The following DLGAP2 variants were observed in gnomAD, a reference collection of about 807,000 sequenced individuals.
DLGAP2 encodes DLG associated protein 2, also known as disks large-associated protein 2.
In DLGAP2, 26 loss-of-function variants were observed where a neutral mutation model predicts 100.3. The ratio of observed to expected loss-of-function variants is 0.26; its 90% CI spans 0.19 to 0.36. The LOEUF is 0.36. Among genes scored for constraint, DLGAP2 ranks in the 10% least tolerant of loss-of-function variants. The pLI, the probability that DLGAP2 is intolerant of heterozygous loss-of-function variation, is 1.00. For synonymous variants in DLGAP2, 886 were observed against 630.1 expected, an observed-to-expected ratio of 1.41 and a Z score of -6.08; for missense variants, 1,858 against 1,453.2, an observed-to-expected ratio of 1.28 and a Z score of -4.53.
chr8:1,278,611 G>A (rs931165540), intron 3 of DLGAP2, among the ~76,000 whole-genome samples: 1 of 152,186 alleles, frequency 6.6e-6, no homozygotes, highest in South Asian at 2.1e-4. Context: ...GTCAAGCCAA[G>A]GACATATTGC....
At chr8:1,431,238 C>T (rs1445653963) in intron 3 of DLGAP2, among the ~76,000 whole-genome samples, 1 of 152,202 alleles carries the variant, frequency 6.6e-6, no homozygotes, top group Non-Finnish European at 1.5e-5. Context: ...CAATCTGACA[C>T]ATCATTAGAA....
At position 1,518,441 on chromosome 8, in the gene DLGAP2, T is replaced by C. The variant is rs113679063; in HGVS notation, c.172+17010T>C. On this transcript the variant is annotated intron_variant, in intron 4 of 14. Transcript: ENST00000637795. ...TGAAGGGAAAAAGCAAGTCACTTCA[T>C]GTATGCTTGTGCATTTACAAGGCAC... is the stretch of plus-strand genomic sequence containing the variant. Among the ~76,000 whole-genome samples the C allele has an allele frequency of 4.5e-3, 680 of 152,334 alleles. 3 individuals carry two copies. Among genetic ancestry groups the C allele is most frequent in the East Asian group, 0.012 (63 of 5,186 alleles).
At chr8:968,562 T>C (rs1433398706) in intron 2 of DLGAP2, among the ~76,000 whole-genome samples, 6 of 152,174 alleles carry the variant, frequency 3.9e-5, no homozygotes, top group Non-Finnish European at 7.3e-5. Context: ...CATACTAGCC[T>C]CCCCTGGTGG....
At chr8:1,135,503 GTTTTTTTTTTTTTT>G (rs3080806) in intron 2 of DLGAP2, among the ~76,000 whole-genome samples, 1,828 of 92,300 alleles carry the variant, frequency 0.02, 81 homozygotes, top group African/African-American at 0.067. Context: ...TTTTTTGTGG[GTTTTTTTTTTTTTT>G]TTTTTTTTTT....
At chr8:1,039,605 T>C (rs2129029900) in intron 2 of DLGAP2, among the ~76,000 whole-genome samples, 1 of 114,046 alleles carries the variant, frequency 8.8e-6, no homozygotes, top group South Asian at 3.4e-4. Flanking sequence ...CAGCTTGGTG[T>C]GCGTGGTCAG....
chr8:1,284,251 A>T (rs1799878011), intron 3 of DLGAP2, among the ~76,000 whole-genome samples: 1 of 152,030 alleles, frequency 6.6e-6, no homozygotes, highest in African/African-American at 2.4e-5. Flanking sequence ...TCCAGGAGAG[A>T]TTTTTTGTTA....
intron 3 of DLGAP2, among the ~76,000 whole-genome samples, chr8:1,266,744 C>G (rs1799458492): frequency 6.6e-6 from 1 of 151,780 alleles, no homozygotes. Flanking sequence ...GAGTGCAGAC[C>G]CAGTGTGTGT....
chr8:881,742 C>T (rs906064399), intron 1 of DLGAP2, among the ~76,000 whole-genome samples: 14 of 148,934 alleles, frequency 9.4e-5, no homozygotes, highest in South Asian at 4.3e-4. Context: ...TGGTCTCGAA[C>T]TCCTGACCTT....
At chr8:1,686,581 G>A (rs1257687483) in intron 12 of DLGAP2, among the ~76,000 whole-genome samples, 2 of 152,104 alleles carry the variant, frequency 1.3e-5, no homozygotes, top group African/African-American at 2.4e-5. Context: ...GGCTGAGACA[G>A]GAGAATCGCT....
chr8:1,708,355 CCTCAATTT>C lies in DLGAP2; in HGVS notation c.*6953_*6960del. 1 of 152,148 alleles carries C rather than the reference CCTCAATTT, an allele frequency of 6.6e-6. No individual in the cohort carries two copies. Among genetic ancestry groups the C allele is most frequent in the Non-Finnish European group, 1.5e-5 (1 of 67,996 alleles). 9.4% of individuals were successfully genotyped at this position (152,148 alleles called of 1,614,324 possible). On this transcript the variant is annotated 3_prime_UTR_variant, in exon 15 of 15. Coordinates refer to ENST00000637795, the MANE Select transcript of DLGAP2 (RefSeq NM_001346810.2). ...ATTATATATTTCATTGTTGAAATAT[CCTCAATTT>C]CTCTATATTTTAAGAAGTAATGGAC...
At chr8:1,171,035 C>A (rs1189049575) in intron 2 of DLGAP2, among the ~76,000 whole-genome samples, 4 of 151,746 alleles carry the variant, frequency 2.6e-5, no homozygotes, top group Non-Finnish European at 4.4e-5. Context: ...CTATAAATTT[C>A]CCTCTACACA....
At chr8:1,037,764 G>A (rs1407226733) in intron 2 of DLGAP2, among the ~76,000 whole-genome samples, 1 of 152,180 alleles carries the variant, frequency 6.6e-6, no homozygotes, top group African/African-American at 2.4e-5. Flanking sequence ...AAATATCCAA[G>A]CAGGCTGGTT....
intron 2 of DLGAP2, among the ~76,000 whole-genome samples, chr8:1,087,264 C>T (rs4735837): frequency 0.46 from 70,079 of 152,062 alleles, 17,631 homozygotes; most frequent in African/African-American, 0.69. Context: ...TCATAACATT[C>T]TGAAGTCTTT....
At chr8:1,544,293 G>C (rs754421834) in intron 4 of DLGAP2, among the ~76,000 whole-genome samples, 1 of 152,004 alleles carries the variant, frequency 6.6e-6, no homozygotes, top group East Asian at 1.9e-4. Context: ...TCCTTTTTGG[G>C]TTTCTCATTG....
intron 3 of DLGAP2, among the ~76,000 whole-genome samples, chr8:1,418,611 G>C (rs1326967487): frequency 6.6e-6 from 1 of 152,190 alleles, no homozygotes; most frequent in African/African-American, 2.4e-5. Context: ...AGGGAAAAAA[G>C]TGTTTCCTTC....
intron 12 of DLGAP2, among the ~76,000 whole-genome samples, chr8:1,682,694 G>C (rs1798985508): frequency 6.6e-6 from 1 of 151,334 alleles, no homozygotes; most frequent in African/African-American, 2.4e-5. Flanking sequence ...GGATAATCGT[G>C]AACTCCTGGC....
At chr8:1,567,086 G>C (rs1465358403) in intron 6 of DLGAP2, among the ~76,000 whole-genome samples, 1 of 152,234 alleles carries the variant, frequency 6.6e-6, no homozygotes, top group African/African-American at 2.4e-5. Flanking sequence ...TTGTTGGAAG[G>C]AAATGGGGAG....
chr8:1,280,224 A>G (rs539841331), intron 3 of DLGAP2, among the ~76,000 whole-genome samples: 8 of 152,164 alleles, frequency 5.3e-5, no homozygotes, highest in Admixed American at 3.9e-4. Context: ...AGCCAATTTG[A>G]TTGATCAAAT....
chr8:1,519,577 G>A (rs1800515974), intron 4 of DLGAP2, among the ~76,000 whole-genome samples: 3 of 152,224 alleles, frequency 2.0e-5, no homozygotes, highest in African/African-American at 4.8e-5. Context: ...CTTGTTTAAC[G>A]GTTCTGACGA....
Sources: allele counts gnomAD v4.1 joint callset (sites outside exome capture counted in the v4.1 genomes callset), GRCh38; gene constraint gnomAD v4.1.1; transcripts MANE v1.5; gene names NCBI Gene and HGNC (gene_info 2026-07-23, HGNC 2026-07-21).